Variants in NID2 observed in about 807,000 individuals in gnomAD.
NID2 encodes the protein nidogen 2.
Under a neutral mutation model 145.4 loss-of-function variants are expected in NID2, and 83 were observed. That is an observed-to-expected ratio of 0.57 (90% CI 0.48 to 0.69). The LOEUF is 0.69. NID2 is among the 30% of genes least tolerant of loss of function. The probability of loss-of-function intolerance (pLI) is 0.00; values close to 1 mark genes in which losing one functional copy is unlikely to be tolerated. For missense variants in NID2, 1,807 were observed against 1,765.7 expected, an observed-to-expected ratio of 1.02 and a Z score of -0.42; for synonymous variants, 739 against 701.3, an observed-to-expected ratio of 1.05 and a Z score of -0.85.
Position 52,007,564 on chromosome 14 carries a change from T to A in NID2, c.3880+246A>T, listed in dbSNP as rs1890833997. 4 of 468,990 alleles carry A rather than the reference T, an allele frequency of 8.5e-6. No homozygotes were observed. The South Asian group carries it at 1.1e-4, about 13-fold the overall frequency. 29.1% of individuals were successfully genotyped at this position (468,990 alleles called of 1,614,324 possible). On this transcript the variant is annotated intron_variant, in intron 19 of 21. Coordinates refer to ENST00000216286, the MANE Select transcript of NID2 (RefSeq NM_007361.4). ...CTAATTCTTTTAACTGTTAAAAATA[T>A]GCCAGGCACTCATGGTCAGGCAAGC...
At position 52,006,547 on chromosome 14, in the gene NID2, C is replaced by T; in HGVS notation, c.3994G>A (p.Asp1332Asn). The T allele has an allele frequency of 6.2e-7, 1 of 1,613,660 alleles. No homozygotes were observed. The highest frequency in any genetic ancestry group is 8.5e-7 in the Non-Finnish European group (1 of 1,179,656). ...ATTTGTGGGGCTCACCTCCTCCAGT[C>T]TGTGTGGTAGAAGTGATCTGCATAG... ...VSYADHFYHTDWRRDGVVSVN... is the reference protein window; with the variant it reads ...VSYADHFYHTNWRRDGVVSVN... Residue 1332 changes from aspartate (D) to asparagine (N), a missense_variant, in exon 20 of 22, where the codon GAC becomes AAC. Transcript: ENST00000216286.
At chr14:52,024,878 A>G (rs1194351038) in intron 12 of NID2, among the ~76,000 whole-genome samples, 1 of 152,168 alleles carries the variant, frequency 6.6e-6, no homozygotes, top group Non-Finnish European at 1.5e-5. Flanking sequence ...GTCTTGCAGG[A>G]CAAGTAGAAG....
Position 52,058,120 on chromosome 14 carries a change from A to G in NID2, c.767+2004T>C, listed in dbSNP as rs187350792. On this transcript the variant is annotated intron_variant, in intron 3 of 21. Transcript: ENST00000216286. ...TGCAATGATATTTATAACAAGAAAAATCAGAAATACATGAAATGTTCATTA... is the reference window on the plus strand; with the variant it reads ...TGCAATGATATTTATAACAAGAAAAGTCAGAAATACATGAAATGTTCATTA... 8.9e-4 allele frequency among the ~76,000 whole-genome samples: 136 copies of G among 152,372 alleles called. 3 individuals are homozygous for G. The highest frequency in any genetic ancestry group is 7.3e-5 in the Non-Finnish European group (5 of 68,034).
chr14:52,006,723 A>C, intron 19 of NID2, 63 bp from the exon 20 acceptor site: 1 of 1,559,868 alleles, frequency 6.4e-7, no homozygotes, highest in East Asian at 2.3e-5. Context: ...ATAGTGACAT[A>C]GTGATAGTGA....
At chr14:52,051,727 T>A (rs987017032) in intron 5 of NID2, among the ~76,000 whole-genome samples, 1 of 152,232 alleles carries the variant, frequency 6.6e-6, no homozygotes, top group East Asian at 1.9e-4. Flanking sequence ...AAAAACTGGA[T>A]TTTTTTTGTC....
At chr14:52,017,304 T>A (rs1891242790) in intron 14 of NID2, among the ~76,000 whole-genome samples, 1 of 152,200 alleles carries the variant, frequency 6.6e-6, no homozygotes, top group Non-Finnish European at 1.5e-5. Flanking sequence ...ACCATGAATT[T>A]CTTTCTCTTG....
At chr14:52,010,093 A>C (rs532402752) in intron 18 of NID2, 1 of 152,348 alleles carries the variant, frequency 6.6e-6, no homozygotes, top group East Asian at 1.9e-4. Flanking sequence ...CTGTTAAGTC[A>C]ACTGGAATAG....
chr14:52,012,708 CTT>C (rs1891077381), intron 16 of NID2, among the ~76,000 whole-genome samples: 1 of 149,728 alleles, frequency 6.7e-6, no homozygotes, highest in Admixed American at 6.6e-5. Context: ...AATGACAAGT[CTT>C]TTAAAAAAAT....
intron 14 of NID2, among the ~76,000 whole-genome samples, chr14:52,016,340 A>C (rs945642362): frequency 6.6e-6 from 1 of 152,218 alleles, no homozygotes; most frequent in African/African-American, 2.4e-5. Flanking sequence ...TCACATAGCC[A>C]ATAACCCTAC....
chr14:52,067,227 T>G (rs931758414), intron 2 of NID2, among the ~76,000 whole-genome samples: 3 of 152,218 alleles, frequency 2.0e-5, no homozygotes, highest in African/African-American at 7.2e-5. Flanking sequence ...CACCCACTAT[T>G]ATACAGGATA....
Position 52,068,010 on chromosome 14 carries a change from T to C in NID2, c.382A>G (p.Thr128Ala). ...GRGRVLYRED[T>A]SPAVLGLAAR... ...GCCAGGCCCAGCACTGCGGGGGAGG[T>C]GTCCTCTCGGTACAGGACTCGGCCT... Residue 128 changes from threonine (T) to alanine (A), a missense_variant, in exon 2 of 22, where the codon ACC becomes GCC. Physicochemically the swap from Thr to Ala is moderately conservative, Grantham distance 58. Transcript: ENST00000216286. 3.1e-6 allele frequency: 5 copies of C among 1,612,058 alleles called. No individual in the cohort carries two copies. The highest frequency in any genetic ancestry group is 4.2e-6 in the Non-Finnish European group (5 of 1,178,886).
At chr14:52,049,882 T>TG (rs746789981) in intron 5 of NID2, among the ~76,000 whole-genome samples, 18 of 151,854 alleles carry the variant, frequency 1.2e-4, no homozygotes, top group Non-Finnish European at 2.1e-4. Flanking sequence ...TTCACAGGCA[T>TG]CGGGGGGCGG....
At chr14:52,030,780 G>A (rs1891834343) in intron 9 of NID2, among the ~76,000 whole-genome samples, 1 of 152,286 alleles carries the variant, frequency 6.6e-6, no homozygotes, top group South Asian at 2.1e-4. Flanking sequence ...GAGCCCAGGA[G>A]CTTAAGCTTG....
chr14:52,050,338 C>T (rs902144136), intron 5 of NID2, among the ~76,000 whole-genome samples: 6 of 152,162 alleles, frequency 3.9e-5, no homozygotes, highest in East Asian at 1.9e-4. Flanking sequence ...TCTGCAACTC[C>T]GCTCTTGTCA....
At chr14:52,011,878 G>A in intron 16 of NID2, 195 bp from the exon 17 acceptor site, 1 of 606,010 alleles carries the variant, frequency 1.7e-6, no homozygotes, top group Non-Finnish European at 2.9e-6. Context: ...TGTGGCTTTG[G>A]GCATTTAACC....
chr14:52,015,782 C>T (rs1470562901), intron 14 of NID2, among the ~76,000 whole-genome samples: 2 of 152,162 alleles, frequency 1.3e-5, no homozygotes, highest in Non-Finnish European at 2.9e-5. Flanking sequence ...GGCCATCTTG[C>T]GACTGGCCAG....
intron 11 of NID2, among the ~76,000 whole-genome samples, chr14:52,027,881 G>T (rs950284459): frequency 6.6e-6 from 1 of 151,448 alleles, no homozygotes; most frequent in Non-Finnish European, 1.5e-5. Flanking sequence ...GAGCCACCAT[G>T]CCTGGCTAAA....
In NID2 at chr14:52,068,766, C is replaced by G; in HGVS notation, c.228+1G>C. On this transcript the variant is annotated splice_donor_variant, in intron 1 of 21. Coordinates refer to ENST00000216286, the MANE Select transcript of NID2 (RefSeq NM_007361.4). LOFTEE classifies it high-confidence loss of function. ...AAGTGCCAGGAGGGGGCTGAACTTA[C>G]GTAGAGGTTGCTGAATCGGGCTTCG... 6.2e-7 allele frequency: 1 copy of G among 1,601,134 alleles called. No homozygotes were observed. The highest frequency in any genetic ancestry group is 1.1e-5 in the South Asian group (1 of 91,036).
rs1449439257 is a variant in NID2, at chr14:52,005,173, T to TCAA, written c.*312_*313insTTG. 1 of 245,092 alleles carries TCAA rather than the reference T, an allele frequency of 4.1e-6. No individual in the cohort carries two copies. The highest frequency in any genetic ancestry group is 7.8e-6 in the Non-Finnish European group (1 of 128,678). 15.2% of individuals were successfully genotyped at this position (245,092 alleles called of 1,614,324 possible). The stretch of plus-strand genomic sequence containing the variant: ...CAGGTTTAGAGTCTTAAACTCTAAT[T>TCAA]CTTAGTTGAATGAATTTGATCTTTT... On this transcript the variant is annotated 3_prime_UTR_variant, in exon 22 of 22. Coordinates refer to ENST00000216286, the MANE Select transcript of NID2 (RefSeq NM_007361.4).
Sources: allele counts gnomAD v4.1 joint callset (sites outside exome capture counted in the v4.1 genomes callset), GRCh38; gene constraint gnomAD v4.1.1; transcripts MANE v1.5; gene names NCBI Gene and HGNC (gene_info 2026-07-23, HGNC 2026-07-21).